The following CLTCL1 variants were observed in gnomAD, a reference collection of about 807,000 sequenced individuals.
CLTCL1 encodes clathrin heavy chain 2.
Under a neutral mutation model 190.0 loss-of-function variants are expected in CLTCL1, and 159 were observed. The observed-to-expected ratio is 0.84, with a 90% confidence interval of 0.74 to 0.95. The LOEUF (loss-of-function observed/expected upper bound fraction) is 0.95. Ranked by LOEUF, CLTCL1 falls within the 40% of genes least tolerant of loss-of-function variation. CLTCL1 has a pLI of 0.00. For synonymous variants in CLTCL1, 752 were observed against 769.6 expected (o/e 0.98, Z 0.38); for missense variants, 1,878 against 2,033.4 (o/e 0.92, Z 1.47).
Position 19,229,960 on chromosome 22 carries a change from T to C in CLTCL1, c.1660A>G (p.Met554Val), listed in dbSNP as rs781983837. ...ANISQIVDIFMENSLIQQCTS... is the reference protein window; with the variant it reads ...ANISQIVDIFVENSLIQQCTS... Reference sequence around the variant, plus strand: ...CACTGCTGAATTAAACTGTTTTCCATGAAAATGTCCACAATCTGAAACATA... The same window carrying C: ...CACTGCTGAATTAAACTGTTTTCCACGAAAATGTCCACAATCTGAAACATA... Residue 554 changes from methionine (M) to valine (V), a missense_variant, in exon 11 of 33, where the codon ATG (methionine) becomes GTG (valine). Met to Val is a conservative substitution (Grantham distance 21). Coordinates refer to ENST00000427926, the MANE Select transcript of CLTCL1 (RefSeq NM_007098.4). 1.2e-6 allele frequency: 2 copies of C among 1,608,576 alleles called. No homozygotes were observed. Among genetic ancestry groups the C allele is most frequent in the Non-Finnish European group, 1.7e-6 (2 of 1,177,676 alleles).
chr22:19,197,615 C>T (rs1311591710), intron 24 of CLTCL1, among the ~76,000 whole-genome samples: 2 of 152,190 alleles, frequency 1.3e-5, no homozygotes, highest in East Asian at 1.9e-4. Flanking sequence ...GCAAAAACTC[C>T]TCACAACAAC....
intron 1 of CLTCL1, 115 bp downstream of exon 1, chr22:19,291,485 G>T: frequency 9.6e-7 from 1 of 1,040,226 alleles, no homozygotes; most frequent in South Asian, 4.3e-5. Context: ...GTCGGAAATC[G>T]GCGCGGCCAG....
intron 2 of CLTCL1, among the ~76,000 whole-genome samples, chr22:19,273,257 A>G (rs1411309786): frequency 3.9e-5 from 6 of 152,220 alleles, no homozygotes; most frequent in Admixed American, 3.9e-4. Flanking sequence ...AACGATTTGT[A>G]CTACAATGAT....
chr22:19,233,917 T>C (rs1209804651), intron 7 of CLTCL1, among the ~76,000 whole-genome samples: 2 of 152,236 alleles, frequency 1.3e-5, no homozygotes, highest in Non-Finnish European at 2.9e-5. Context: ...GCTATCATTA[T>C]ATTCTAATTC....
At chr22:19,248,234 T>C (rs1601639219) in intron 3 of CLTCL1, among the ~76,000 whole-genome samples, 1 of 151,890 alleles carries the variant, frequency 6.6e-6, no homozygotes, top group East Asian at 1.9e-4. Flanking sequence ...GAGGCGGAGG[T>C]TGCGGTGAGC....
chr22:19,284,591 C>T (rs529738683), intron 1 of CLTCL1, among the ~76,000 whole-genome samples: 13 of 152,210 alleles, frequency 8.5e-5, no homozygotes, highest in Admixed American at 5.2e-4. Flanking sequence ...ACACGGGAAG[C>T]GGAGGCTGCA....
At position 19,227,607 on chromosome 22, in the gene CLTCL1, A is replaced by G. The variant is rs554556677; in HGVS notation, c.1783-1224T>C. 3.6e-3 allele frequency among the ~76,000 whole-genome samples: 541 copies of G among 152,146 alleles called. 4 individuals are homozygous for G. Among genetic ancestry groups the G allele is most frequent in the Non-Finnish European group, 3.7e-3 (250 of 68,004 alleles). ...GTAGCTGGGACTACAGGCATGCGCC[A>G]CCACACCCAGCTAATTTTTGTATTT... is the stretch of plus-strand genomic sequence containing the variant. On this transcript the variant is annotated intron_variant, in intron 11 of 32. Transcript: ENST00000427926.
intron 10 of CLTCL1, among the ~76,000 whole-genome samples, chr22:19,230,397 C>G (rs868918968): frequency 6.6e-6 from 1 of 152,136 alleles, no homozygotes; most frequent in South Asian, 2.1e-4. Flanking sequence ...AGCCACTGCG[C>G]CCGGCCCCTT....
chr22:19,233,761 G>A (rs1267002179), intron 7 of CLTCL1, 139 bp from the exon 8 acceptor site: 1 of 714,956 alleles, frequency 1.4e-6, no homozygotes, highest in Non-Finnish European at 2.3e-6. Context: ...CCTCTACCAA[G>A]GCAACTGCTT....
intron 5 of CLTCL1, chr22:19,238,658 T>G: frequency 5.3e-6 from 1 of 189,094 alleles, no homozygotes; most frequent in Non-Finnish European, 1.2e-5. Flanking sequence ...GGTTCAGGTG[T>G]TTTCCCAACC....
rs2085179676 is a variant in CLTCL1, at chr22:19,210,373, C to A, written c.3202G>T (p.Ala1068Ser). Residue 1068 changes from alanine (A) to serine (S), a missense_variant, in exon 20 of 33, where the codon GCC (alanine) becomes TCC (serine). Coordinates refer to ENST00000427926, the MANE Select transcript of CLTCL1 (RefSeq NM_007098.4). ...TCAAACTTGTGGAAAACGGTGAAGG[C>A]CTCCTCATACAGTGCGCTGCTGACA... is the stretch of plus-strand genomic sequence containing the variant. ...IAVSSALYEEAFTVFHKFDMN... is the reference protein window; with the variant it reads ...IAVSSALYEESFTVFHKFDMN... The A allele has an allele frequency of 1.9e-6, 3 of 1,613,880 alleles. No individual in the cohort carries two copies. In the South Asian group the frequency reaches 3.3e-5, roughly 18 times the overall value.
intron 3 of CLTCL1, among the ~76,000 whole-genome samples, chr22:19,248,232 G>A (rs1169767888): frequency 1.3e-5 from 2 of 152,040 alleles, no homozygotes; most frequent in African/African-American, 4.8e-5. Context: ...GGGAGGCGGA[G>A]GTTGCGGTGA....
At chr22:19,180,689 T>C in intron 31 of CLTCL1, 42 bp downstream of exon 31, 1 of 1,601,964 alleles carries the variant, frequency 6.2e-7, no homozygotes, top group Non-Finnish European at 8.6e-7. Flanking sequence ...ACTCCCTCCC[T>C]GCTCCCTCCC....
At chr22:19,236,555 T>A (rs578108868) in intron 5 of CLTCL1, among the ~76,000 whole-genome samples, 3 of 152,260 alleles carry the variant, frequency 2.0e-5, no homozygotes, top group Admixed American at 2.0e-4. Flanking sequence ...ACATATATAT[T>A]AAAACAGACA....
At chr22:19,204,569 C>T (rs782147081) in intron 22 of CLTCL1, among the ~76,000 whole-genome samples, 4 of 152,204 alleles carry the variant, frequency 2.6e-5, no homozygotes, top group Non-Finnish European at 5.9e-5. Flanking sequence ...AATCTGATTA[C>T]CATTTTCCCT....
At position 19,254,232 on chromosome 22, in the gene CLTCL1, T is replaced by TA. The variant is rs782106024; in HGVS notation, c.251-6dup. 3 of 1,605,990 alleles carry TA rather than the reference T, an allele frequency of 1.9e-6. No individual in the cohort carries two copies. The highest frequency in any genetic ancestry group is 2.6e-6 in the Non-Finnish European group (3 of 1,173,214). On this transcript the variant is annotated splice_polypyrimidine_tract_variant and splice_region_variant and intron_variant, in intron 2 of 32. Coordinates refer to ENST00000427926, the MANE Select transcript of CLTCL1 (RefSeq NM_007098.4). ...AGATCTGAAGTGTCTTCCCAGCTAG[T>TA]ATTTGATATAATAGAGATTAGAGAA...
intron 2 of CLTCL1, among the ~76,000 whole-genome samples, chr22:19,261,028 T>A (rs1091012): frequency 0.059 from 8,973 of 152,188 alleles, 332 homozygotes; most frequent in Middle Eastern, 0.16. Context: ...AGATGAAAGC[T>A]GTTTTCATGC....
rs201780827 is a variant in CLTCL1, at chr22:19,221,940, G to C, written c.2561+11C>G. 6.2e-6 allele frequency: 10 copies of C among 1,613,138 alleles called. No homozygotes were observed. The African/African-American group carries it at 1.2e-4, about 19-fold the overall frequency. On this transcript the variant is annotated intron_variant, in intron 16 of 32. Transcript: ENST00000427926. Reference sequence around the variant, plus strand: ...AGGGGTAAGAGAAAACACCAAGTAAGGACACCTTACCTATTTCTTTTTTCT... The same window carrying C: ...AGGGGTAAGAGAAAACACCAAGTAACGACACCTTACCTATTTCTTTTTTCT...
intron 1 of CLTCL1, among the ~76,000 whole-genome samples, chr22:19,285,071 C>G (rs901429846): frequency 2.0e-5 from 3 of 152,206 alleles, no homozygotes; most frequent in African/African-American, 7.2e-5. Context: ...GTCAGGAGAT[C>G]GAGACCATCC....
Sources: allele counts gnomAD v4.1 joint callset (sites outside exome capture counted in the v4.1 genomes callset), GRCh38; gene constraint gnomAD v4.1.1; transcripts MANE v1.5; gene names NCBI Gene and HGNC (gene_info 2026-07-23, HGNC 2026-07-21).